SLC25A13: variants seen among roughly 807,000 people sequenced by gnomAD.
SLC25A13 encodes solute carrier family 25 member 13, also known as electrogenic aspartate/glutamate antiporter SLC25A13, mitochondrial.
Under a neutral mutation model 85.5 loss-of-function variants are expected in SLC25A13, and 70 were observed. That is an observed-to-expected ratio of 0.82 (90% CI 0.68 to 1.00). SLC25A13 has a LOEUF of 1.00. Among genes scored for constraint, SLC25A13 ranks in the 50% least tolerant of loss-of-function variants. The pLI, the probability that SLC25A13 is intolerant of heterozygous loss-of-function variation, is 0.00. For missense variants in SLC25A13, 765 were observed against 819.8 expected (o/e 0.93, Z 0.82); for synonymous variants, 259 against 288.7 (o/e 0.90, Z 1.04).
intron 3 of SLC25A13, among the ~76,000 whole-genome samples, chr7:96,259,358 A>G (rs1797758859): frequency 6.6e-6 from 1 of 152,158 alleles, no homozygotes; most frequent in Admixed American, 6.5e-5. Context: ...ACTTAAATAT[A>G]TTTACAAGAT....
At chr7:96,162,368 A>T (rs1793541701) in intron 13 of SLC25A13, among the ~76,000 whole-genome samples, 1 of 152,260 alleles carries the variant, frequency 6.6e-6, no homozygotes, top group Admixed American at 6.5e-5. Flanking sequence ...AATACTATTC[A>T]GGGCAAACTT....
intron 13 of SLC25A13, among the ~76,000 whole-genome samples, chr7:96,147,028 A>C (rs2116483384): frequency 6.7e-6 from 1 of 149,764 alleles, no homozygotes; most frequent in East Asian, 1.9e-4. Context: ...CCAAGGGCAC[A>C]AAGGCAGTAA....
At chr7:96,257,894 T>C (rs184199525) in intron 3 of SLC25A13, among the ~76,000 whole-genome samples, 59 of 152,338 alleles carry the variant, frequency 3.9e-4, no homozygotes, top group Non-Finnish European at 6.9e-4. Flanking sequence ...ATCCCTGGGA[T>C]GCAAGGCTGG....
chr7:96,298,699 C>T (rs1307681971), intron 1 of SLC25A13, among the ~76,000 whole-genome samples: 1 of 152,196 alleles, frequency 6.6e-6, no homozygotes, highest in African/African-American at 2.4e-5. Context: ...TCCCAAAACG[C>T]TGGGATTACA....
chr7:96,250,863 T>C (rs540255072), intron 3 of SLC25A13, among the ~76,000 whole-genome samples: 2 of 152,270 alleles, frequency 1.3e-5, no homozygotes, highest in South Asian at 4.1e-4. Flanking sequence ...ATCCCACCTC[T>C]TCTGGATAAT....
At chr7:96,236,848 T>C (rs2116821804) in intron 3 of SLC25A13, among the ~76,000 whole-genome samples, 1 of 152,336 alleles carries the variant, frequency 6.6e-6, no homozygotes, top group South Asian at 2.1e-4. Context: ...CAGTTCTCTC[T>C]GTTTGCCACA....
intron 13 of SLC25A13, among the ~76,000 whole-genome samples, chr7:96,148,561 G>A (rs1266438017): frequency 6.6e-6 from 1 of 152,176 alleles, no homozygotes; most frequent in Non-Finnish European, 1.5e-5. Context: ...CTCTTCATAC[G>A]AAAATCTTAT....
At chr7:96,215,903 C>A (rs1282040774) in intron 4 of SLC25A13, among the ~76,000 whole-genome samples, 2 of 151,918 alleles carry the variant, frequency 1.3e-5, no homozygotes, top group African/African-American at 4.8e-5. Context: ...GCCTGTAATC[C>A]CAGCACTTTG....
chr7:96,160,317 T>C (rs560518196), intron 13 of SLC25A13, among the ~76,000 whole-genome samples: 1 of 152,286 alleles, frequency 6.6e-6, no homozygotes, highest in South Asian at 2.1e-4. Flanking sequence ...AGCATGAAAG[T>C]TGGACTTTCC....
intron 14 of SLC25A13, among the ~76,000 whole-genome samples, chr7:96,132,296 A>G (rs576242668): frequency 2.8e-4 from 42 of 152,336 alleles, no homozygotes; most frequent in African/African-American, 9.9e-4. Context: ...GGAAGTAGAC[A>G]AATTATACAG....
At chr7:96,135,155 G>A (rs1290588776) in intron 14 of SLC25A13, among the ~76,000 whole-genome samples, 3 of 152,118 alleles carry the variant, frequency 2.0e-5, no homozygotes, top group Non-Finnish European at 4.4e-5. Context: ...AGGAATGAAT[G>A]AAGTAATATG....
At chr7:96,304,028 C>T (rs1799649166) in intron 1 of SLC25A13, among the ~76,000 whole-genome samples, 1 of 152,058 alleles carries the variant, frequency 6.6e-6, no homozygotes, top group South Asian at 2.1e-4. Context: ...TTGGAATTCC[C>T]TAAAACCACA....
intron 11 of SLC25A13, among the ~76,000 whole-genome samples, chr7:96,176,588 C>G (rs1794231503): frequency 6.6e-6 from 1 of 152,188 alleles, no homozygotes; most frequent in Non-Finnish European, 1.5e-5. Flanking sequence ...ACTATCCCCT[C>G]TGAATTCAGT....
At position 96,322,019 on chromosome 7, in the gene SLC25A13, G is replaced by C. The variant is rs1383141458; in HGVS notation, c.-63C>G. 1.4e-5 allele frequency: 22 copies of C among 1,529,560 alleles called. No homozygotes were observed. Among genetic ancestry groups the C allele is most frequent in the Non-Finnish European group, 1.8e-5 (21 of 1,138,556 alleles). 94.7% of individuals were successfully genotyped at this position (1,529,560 alleles called of 1,614,324 possible). A position where few individuals can be genotyped will look rare whatever the true frequency, so the allele number is the denominator to read the frequency against. ...ACTGGCTGGCTGGCGTTTGGGACCCGGGCGGCTCACTTCTAGTCCCGGCGG... is the reference window on the plus strand; with the variant it reads ...ACTGGCTGGCTGGCGTTTGGGACCCCGGCGGCTCACTTCTAGTCCCGGCGG... On this transcript the variant is annotated 5_prime_UTR_variant, in exon 1 of 18. Transcript: ENST00000265631.
chr7:96,167,430 A>G (rs1793800928), intron 13 of SLC25A13, among the ~76,000 whole-genome samples: 1 of 152,242 alleles, frequency 6.6e-6, no homozygotes. Context: ...TTAGCTAAAC[A>G]TTATGAAGTT....
At chr7:96,213,721 T>C (rs1236179246) in intron 4 of SLC25A13, among the ~76,000 whole-genome samples, 2 of 152,168 alleles carry the variant, frequency 1.3e-5, no homozygotes, top group Admixed American at 1.3e-4. Context: ...ATCTCAAATG[T>C]AAAAATAATT....
At position 96,236,306 on chromosome 7, in the gene SLC25A13, C is replaced by CA. The variant is rs1369465382; in HGVS notation, c.213-1390dup. 2.0e-5 allele frequency among the ~76,000 whole-genome samples: 3 copies of CA among 152,050 alleles called. No homozygotes were observed. The East Asian group carries it at 5.8e-4, about 29-fold the overall frequency. The stretch of plus-strand genomic sequence containing the variant: ...TTTTATCCTCTACTAAGGTCTCTCT[C>CA]ACCGAGACTCTGCGTAGGAGGCAAG... On this transcript the variant is annotated intron_variant, in intron 3 of 17. Transcript: ENST00000265631.
At chr7:96,137,816 G>C (rs1452996112) in intron 14 of SLC25A13, among the ~76,000 whole-genome samples, 2 of 152,024 alleles carry the variant, frequency 1.3e-5, no homozygotes, top group Admixed American at 1.3e-4. Flanking sequence ...GTAGAGATGG[G>C]GTTTCAACAT....
At chr7:96,251,098 C>A (rs1562877790) in intron 3 of SLC25A13, among the ~76,000 whole-genome samples, 3 of 151,900 alleles carry the variant, frequency 2.0e-5, no homozygotes, top group Admixed American at 6.6e-5. Flanking sequence ...AGATAACCAC[C>A]ATGAGAAAGC....
Sources: allele counts gnomAD v4.1 joint callset (sites outside exome capture counted in the v4.1 genomes callset), GRCh38; gene constraint gnomAD v4.1.1; transcripts MANE v1.5; gene names NCBI Gene and HGNC (gene_info 2026-07-23, HGNC 2026-07-21).